Variants in MYH11 observed in about 807,000 individuals in gnomAD.
MYH11 encodes the protein myosin heavy chain 11.
A neutral mutation model predicts 246.6 loss-of-function variants in MYH11; 80 were observed. The observed-to-expected ratio is 0.32, with a 90% CI of 0.27 to 0.39. The LOEUF (loss-of-function observed/expected upper bound fraction) is 0.39, where lower values mean the gene tolerates loss of function less well. Among genes scored for constraint, MYH11 ranks in the 10% least tolerant of loss-of-function variants. The pLI is 1.00. For synonymous variants in MYH11, 1,071 were observed against 1,015.5 expected (o/e 1.05, Z -1.04); for missense variants, 2,158 against 2,546.8 (o/e 0.85, Z 3.29).
At chr16:15,730,252 G>C (rs1019160038) in intron 27 of MYH11, among the ~76,000 whole-genome samples, 10 of 151,616 alleles carry the variant, frequency 6.6e-5, no homozygotes, top group Admixed American at 5.3e-4. Context: ...CCAATCTCAG[G>C]GTGGTGCAGT....
intron 9 of MYH11, among the ~76,000 whole-genome samples, chr16:15,769,826 T>G (rs2042059518): frequency 6.6e-6 from 1 of 152,036 alleles, no homozygotes; most frequent in African/African-American, 2.4e-5. Context: ...CCAGTTTTTT[T>G]CTATTTATTT....
At chr16:15,825,386 C>CAAAAAAAA (rs1212947132) in intron 2 of MYH11, among the ~76,000 whole-genome samples, 2 of 60,996 alleles carry the variant, frequency 3.3e-5, no homozygotes, top group African/African-American at 4.9e-5. Context: ...CCCCTCTCTA[C>CAAAAAAAA]AAAAAAAAAA....
At chr16:15,815,631 A>G (rs1314322067) in intron 3 of MYH11, among the ~76,000 whole-genome samples, 1 of 152,210 alleles carries the variant, frequency 6.6e-6, no homozygotes, top group Non-Finnish European at 1.5e-5. Flanking sequence ...ATAATTTGCA[A>G]CATTTCCCAG....
intron 1 of MYH11, among the ~76,000 whole-genome samples, chr16:15,841,141 T>TTTG (rs1222436945): frequency 6.6e-6 from 1 of 152,168 alleles, no homozygotes; most frequent in Non-Finnish European, 1.5e-5. Flanking sequence ...CAAAATGATT[T>TTTG]TTGTTGTTGT....
intron 8 of MYH11, among the ~76,000 whole-genome samples, chr16:15,772,033 C>A (rs534350152): frequency 6.6e-6 from 1 of 151,564 alleles, no homozygotes; most frequent in Non-Finnish European, 1.5e-5. Flanking sequence ...TAGAGGCACC[C>A]TGCCTTCAGC....
At chr16:15,747,308 T>G (rs1444785554) in intron 19 of MYH11, among the ~76,000 whole-genome samples, 1 of 151,964 alleles carries the variant, frequency 6.6e-6, no homozygotes, top group South Asian at 2.1e-4. Context: ...CTCAGAGAGG[T>G]AGAGTAACTT....
chr16:15,814,451 G>C (rs1029694821), intron 3 of MYH11, among the ~76,000 whole-genome samples: 1 of 149,992 alleles, frequency 6.7e-6, no homozygotes, highest in South Asian at 2.1e-4. Flanking sequence ...TACTTGGGAG[G>C]CTGAGGCAGG....
chr16:15,768,014 A>G (rs2151287740), intron 9 of MYH11, among the ~76,000 whole-genome samples: 1 of 152,062 alleles, frequency 6.6e-6, no homozygotes, highest in South Asian at 2.1e-4. Flanking sequence ...CTGGCCTCAA[A>G]CGATCCTCTT....
At position 15,724,049 on chromosome 16, in the gene MYH11, C is replaced by T; in HGVS notation, c.4365+112G>A. 4.5e-6 allele frequency: 7 copies of T among 1,564,730 alleles called. No homozygotes were observed. In the South Asian group the frequency reaches 4.5e-5, roughly 10 times the overall value. ...TAAGACAGCCTCCCATGGCTCCCCACAGAGTGGAGAGGGGATGCAGGCACA... is the reference window on the plus strand; with the variant it reads ...TAAGACAGCCTCCCATGGCTCCCCATAGAGTGGAGAGGGGATGCAGGCACA... On this transcript the variant is annotated intron_variant, in intron 31 of 40. Coordinates refer to ENST00000300036, the MANE Select transcript of MYH11 (RefSeq NM_002474.3).
At chr16:15,823,212 G>A (rs768826738) in intron 3 of MYH11, 43 bp downstream of exon 3, 1 of 1,612,818 alleles carries the variant, frequency 6.2e-7, no homozygotes, top group Admixed American at 1.7e-5. Flanking sequence ...AGGACAGGAG[G>A]GGCTCCCTGG....
intron 3 of MYH11, among the ~76,000 whole-genome samples, chr16:15,822,382 A>G (rs1057444626): frequency 6.6e-6 from 1 of 152,124 alleles, no homozygotes; most frequent in African/African-American, 2.4e-5. Flanking sequence ...AGTGTTCTAA[A>G]TAGAAGGTGA....
chr16:15,758,378 T>A (rs2041785584), intron 12 of MYH11, among the ~76,000 whole-genome samples: 1 of 152,082 alleles, frequency 6.6e-6, no homozygotes, highest in African/African-American at 2.4e-5. Flanking sequence ...CTATCAATCT[T>A]AAAACCTCCT....
intron 37 of MYH11, 164 bp downstream of exon 37, chr16:15,718,151 C>G: frequency 9.2e-7 from 1 of 1,086,830 alleles, no homozygotes; most frequent in Non-Finnish European, 1.4e-6. Context: ...AGCCTGGGCA[C>G]TGGTGTAAGG....
chr16:15,724,354 TC>T lies in MYH11; in HGVS notation c.4171del (p.Glu1391LysfsTer67). ...QDFASTVEAL[E>X]EGKKRFQKEI... ...CTTCTGGAACCTCTTCTTCCCCTCTTCCAGAGCTTCCACGGTGCTGGCAAAG... is the reference window on the plus strand; with the variant it reads ...CTTCTGGAACCTCTTCTTCCCCTCTTCAGAGCTTCCACGGTGCTGGCAAAG... On this transcript the variant is annotated frameshift_variant, in exon 31 of 41. Transcript: ENST00000300036. LOFTEE classifies it high-confidence loss of function. 6.2e-7 allele frequency: 1 copy of T among 1,614,072 alleles called. No individual in the cohort carries two copies. The highest frequency in any genetic ancestry group is 8.5e-7 in the Non-Finnish European group (1 of 1,180,026).
intron 27 of MYH11, among the ~76,000 whole-genome samples, chr16:15,729,550 A>AATTT (rs2040898566): frequency 1.5e-5 from 2 of 137,010 alleles, no homozygotes; most frequent in African/African-American, 2.7e-5. Flanking sequence ...TCCAACCATA[A>AATTT]TTTTTTTTTT....
chr16:15,841,634 T>A (rs918335978), intron 1 of MYH11, among the ~76,000 whole-genome samples: 8 of 152,224 alleles, frequency 5.3e-5, no homozygotes, highest in African/African-American at 1.9e-4. Context: ...TATCTGTCGT[T>A]ATCCAGATGT....
intron 25 of MYH11, 90 bp downstream of exon 25, chr16:15,737,359 T>G (rs2041148229): frequency 6.3e-7 from 1 of 1,575,778 alleles, no homozygotes; most frequent in African/African-American, 1.3e-5. Context: ...GGGGCCGCCT[T>G]GACCAAGACA....
Position 15,763,878 on chromosome 16 carries a change from C to A in MYH11, c.1047G>T (p.Val349=), listed in dbSNP as rs765006823. The stretch of plus-strand genomic sequence containing the variant: ...TTCCAAGCTGCAGGACCGATGATAC[C>A]ACCTTCAATATGGCTGAGGTGGGGA... ...SEEEQLSILK[V]VSSVLQLGNI... Residue 349 remains valine, a synonymous_variant, in exon 10 of 41, where the codon GTG becomes GTT. Transcript: ENST00000300036. 3 of 1,613,062 alleles carry A rather than the reference C, an allele frequency of 1.9e-6. No individual in the cohort carries two copies. The African/African-American group carries it at 4.0e-5, about 22-fold the overall frequency.
intron 31 of MYH11, 66 bp downstream of exon 31, chr16:15,724,095 C>T (rs1234689763): frequency 1.0e-5 from 16 of 1,607,226 alleles, no homozygotes; most frequent in African/African-American, 6.7e-5. Context: ...ACGCGTCATA[C>T]TCTGCAGAGC....
Sources: gnomAD v4.1 joint callset for allele counts (sites outside exome capture counted in the v4.1 genomes callset) on GRCh38, gnomAD v4.1.1 for gene constraint, MANE v1.5 for transcripts, NCBI Gene and HGNC (gene_info 2026-07-23, HGNC 2026-07-21) for gene names.